The following MMP28 variants were observed in gnomAD, a reference collection of about 807,000 sequenced individuals.
The protein encoded by MMP28 is matrix metallopeptidase 28.
In MMP28, 55 loss-of-function variants were observed where a neutral mutation model predicts 60.5. That is an observed-to-expected ratio of 0.91 (90% CI 0.73 to 1.14). MMP28 has a LOEUF of 1.14. MMP28 is among the 50% of genes most tolerant of loss of function. MMP28 has a pLI of 0.00. For synonymous variants in MMP28, 318 were observed against 312.5 expected (o/e 1.02, Z -0.18); for missense variants, 686 against 738.3 (o/e 0.93, Z 0.82).
At chr17:35,770,025 G>T in intron 5 of MMP28, 42 bp downstream of exon 5, 2 of 1,502,546 alleles carry the variant, frequency 1.3e-6, no homozygotes, top group South Asian at 1.4e-5. Flanking sequence ...GGCCTTGGGG[G>T]CAGGAGTGGG....
At chr17:35,775,227 G>A (rs540267236) in intron 3 of MMP28, among the ~76,000 whole-genome samples, 31 of 152,294 alleles carry the variant, frequency 2.0e-4, no homozygotes, top group Non-Finnish European at 3.4e-4. Flanking sequence ...ACCAGGGGAG[G>A]GGGTGTCGCT....
intron 4 of MMP28, among the ~76,000 whole-genome samples, chr17:35,772,727 T>G (rs1251520716): frequency 2.0e-5 from 3 of 152,192 alleles, no homozygotes; most frequent in Admixed American, 6.5e-5. Context: ...TATGAAGCAC[T>G]TCCCTGTCAG....
downstream of MMP28, chr17:35,760,928 C>T (rs1291626875): frequency 1.9e-6 from 3 of 1,613,732 alleles, no homozygotes; most frequent in African/African-American, 1.3e-5. Flanking sequence ...AAGCAGGGCA[C>T]AGCCTTGGGA....
chr17:35,758,279 A>G (rs1157179469), intron 2 of MMP28: 1 of 152,152 alleles, frequency 6.6e-6, no homozygotes, highest in African/African-American at 2.4e-5. Flanking sequence ...CCCTCTCAAG[A>G]GGTCTCCCAA....
intron 3 of MMP28, among the ~76,000 whole-genome samples, chr17:35,774,201 A>G (rs1380651542): frequency 6.6e-6 from 1 of 152,186 alleles, no homozygotes. Flanking sequence ...GCCCCCGTCA[A>G]CTGAGTCTGG....
chr17:35,763,185 C>T (rs993539853), downstream of MMP28, among the ~76,000 whole-genome samples: 5 of 151,654 alleles, frequency 3.3e-5, no homozygotes, highest in Non-Finnish European at 7.4e-5. Context: ...GTGATCCCAG[C>T]ACTTTAGGGA....
chr17:35,762,052 G>A (rs782379389), downstream of MMP28, among the ~76,000 whole-genome samples: 2 of 152,056 alleles, frequency 1.3e-5, no homozygotes, highest in African/African-American at 2.4e-5. Context: ...ATGCAGTGGC[G>A]TGATCTCGGT....
chr17:35,784,899 C>T lies in MMP28; in HGVS notation c.112-5576G>A, dbSNP rs570341365. 3.3e-5 allele frequency among the ~76,000 whole-genome samples: 5 copies of T among 152,164 alleles called. No homozygotes were observed. The South Asian group carries it at 8.3e-4, about 25-fold the overall frequency. ...TTTTCTCTCTTCTCTATTTTCCACC[C>T]GTCCTCTCTCTTAGGGAGCCCAAGG... On this transcript the variant is annotated intron_variant, in intron 1 of 7. Transcript: ENST00000605424.
chr17:35,771,120 C>T (rs886670604), intron 4 of MMP28, among the ~76,000 whole-genome samples: 2 of 151,816 alleles, frequency 1.3e-5, no homozygotes, highest in East Asian at 1.9e-4. Flanking sequence ...GTGCCTAGCA[C>T]GTAATAAGGG....
In MMP28 at chr17:35,788,487, G is replaced by A. The variant is rs192712632; in HGVS notation, c.111+6780C>T. On this transcript the variant is annotated intron_variant, in intron 1 of 7. Coordinates refer to ENST00000605424, the MANE Select transcript of MMP28 (RefSeq NM_024302.5). ...CTAGACAAGTGCTTTTCCACCAACT[G>A]TGGTCCTCTAGGACCCTTCAGAGCC... 2.5e-3 allele frequency among the ~76,000 whole-genome samples: 374 copies of A among 152,196 alleles called. 1 individual carries two copies. Among genetic ancestry groups the A allele is most frequent in the Non-Finnish European group, 3.9e-3 (266 of 68,012 alleles).
chr17:35,782,748 G>A (rs2086541888), intron 1 of MMP28, among the ~76,000 whole-genome samples: 2 of 152,190 alleles, frequency 1.3e-5, no homozygotes, highest in Admixed American at 6.5e-5. Flanking sequence ...TGGCATCACG[G>A]TATAGCCACC....
intron 6 of MMP28, 126 bp from the exon 7 acceptor site, chr17:35,768,045 G>T: frequency 2.3e-6 from 3 of 1,311,350 alleles, no homozygotes; most frequent in Non-Finnish European, 3.1e-6. Context: ...TACAGTTGGC[G>T]CAGAGGGGAA....
In MMP28 at chr17:35,779,263, G is replaced by A. The variant is rs749225885; in HGVS notation, c.172C>T (p.Arg58Ter). The change falls in exon 2 of 8, where the codon CGA (arginine) becomes TGA (stop). Residue 58 changes from arginine (R) to a stop codon, truncating the protein, a stop_gained. Coordinates refer to ENST00000605424, the MANE Select transcript of MMP28 (RefSeq NM_024302.5). LOFTEE classifies it high-confidence loss of function. Reference protein sequence around the residue: ...EQVPKAPTSTRFSDAIRAFQW... With the variant: ...EQVPKAPTST ...CCCTACCTGATGGCATCGCTGAATC[G>A]AGTGGAGGTGGGAGCTTTGGGGACC... 3.1e-6 allele frequency: 5 copies of A among 1,613,030 alleles called. No homozygotes were observed. The highest frequency in any genetic ancestry group is 4.5e-5 in the East Asian group (2 of 44,854).
intron 3 of MMP28, 199 bp downstream of exon 3, chr17:35,778,689 A>G: frequency 8.0e-7 from 1 of 1,247,102 alleles, no homozygotes; most frequent in Non-Finnish European, 1.1e-6. Flanking sequence ...AAATTCATCA[A>G]TGTAGGTGTC....
chr17:35,766,810 G>GAAGAGGGCGGCGTCAA lies in MMP28; in HGVS notation c.1252_1253insTTGACGCCGCCCTCTT (p.Pro418LeufsTer7). On this transcript the variant is annotated frameshift_variant, in exon 8 of 8. Coordinates refer to ENST00000605424, the MANE Select transcript of MMP28 (RefSeq NM_024302.5). LOFTEE classifies it high-confidence loss of function. The surrounding 1 kb of genome is among the most constrained non-coding windows in gnomAD (Gnocchi z 4.3). Reference sequence around the variant, plus strand: ...AGGAGGGAAGAAGAGGGCGGCGTCAGGATGGCGGGGCAGGCCCCCTGCCCG... The same window carrying GAAGAGGGCGGCGTCAA: ...AGGAGGGAAGAAGAGGGCGGCGTCAGAAGAGGGCGGCGTCAAGATGGCGGGGCAGGCCCCCTGCCCG... The GAAGAGGGCGGCGTCAA allele has an allele frequency of 6.4e-7, 1 of 1,573,398 alleles. No individual in the cohort carries two copies. The highest frequency in any genetic ancestry group is 8.6e-7 in the Non-Finnish European group (1 of 1,160,186).
At chr17:35,787,899 CTTT>C (rs532350874) in intron 1 of MMP28, among the ~76,000 whole-genome samples, 4,604 of 104,128 alleles carry the variant, frequency 0.044, 136 homozygotes, top group African/African-American at 0.16. Flanking sequence ...TTTTCTTTCC[CTTT>C]TTTTTTTTTT....
chr17:35,768,563 G>A (rs898239679), intron 5 of MMP28, among the ~76,000 whole-genome samples, 184 bp from the exon 6 acceptor site: 1 of 152,160 alleles, frequency 6.6e-6, no homozygotes, highest in Non-Finnish European at 1.5e-5. Context: ...TGTAATCCCA[G>A]TACTTTGGGA....
At chr17:35,794,900 C>A (rs1169205697) in intron 1 of MMP28, among the ~76,000 whole-genome samples, 1 of 152,226 alleles carries the variant, frequency 6.6e-6, no homozygotes, top group African/African-American at 2.4e-5. Flanking sequence ...CAGCACCAAA[C>A]TGAGGCTTCC....
intron 1 of MMP28, among the ~76,000 whole-genome samples, chr17:35,794,393 C>T (rs2086904145): frequency 6.6e-6 from 1 of 151,522 alleles, no homozygotes; most frequent in Non-Finnish European, 1.5e-5. Context: ...TTACAGGCGC[C>T]TGCCACTACG....
Sources: allele counts gnomAD v4.1 joint callset (sites outside exome capture counted in the v4.1 genomes callset), GRCh38; gene constraint gnomAD v4.1.1; non-coding constraint Gnocchi (gnomAD v3.1); transcripts MANE v1.5; gene names NCBI Gene and HGNC (gene_info 2026-07-23, HGNC 2026-07-21).